SNX9: variants seen among roughly 807,000 people sequenced by gnomAD.
The protein encoded by SNX9 is sorting nexin 9, also known as sorting nexin-9.
A neutral mutation model predicts 89.4 loss-of-function variants in SNX9; 44 were observed. The ratio of observed to expected loss-of-function variants is 0.49; its 90% CI spans 0.39 to 0.63. SNX9 has a LOEUF of 0.63. SNX9 is among the 30% of genes least tolerant of loss of function. The probability of loss-of-function intolerance (pLI) is 0.00; values close to 1 mark genes in which losing one functional copy is unlikely to be tolerated. For missense variants in SNX9, 578 were observed against 736.1 expected (o/e 0.79, Z 2.49); for synonymous variants, 236 against 247.8 (o/e 0.95, Z 0.45).
chr6:157,941,347 G>A (rs1784031805), intron 17 of SNX9, among the ~76,000 whole-genome samples: 1 of 152,158 alleles, frequency 6.6e-6, no homozygotes, highest in Non-Finnish European at 1.5e-5. Flanking sequence ...GCTGGAACAG[G>A]AGCCTGGCAC....
intron 2 of SNX9, among the ~76,000 whole-genome samples, chr6:157,869,239 G>A (rs184806266): frequency 6.6e-6 from 1 of 152,136 alleles, no homozygotes; most frequent in East Asian, 1.9e-4. Context: ...TCCACCTTCA[G>A]CCCATTTCTT....
chr6:157,858,164 C>T (rs542074482), intron 1 of SNX9, among the ~76,000 whole-genome samples: 1 of 152,242 alleles, frequency 6.6e-6, no homozygotes, highest in East Asian at 1.9e-4. Context: ...GCTTTTCATG[C>T]CTATGTTAGT....
chr6:157,927,288 G>T (rs1006345722), intron 11 of SNX9, 74 bp downstream of exon 11: 30 of 1,062,996 alleles, frequency 2.8e-5, no homozygotes, highest in Non-Finnish European at 3.4e-5. Flanking sequence ...TTCAGCCAGT[G>T]TAGCCGCAGC....
chr6:157,915,646 T>TATATACAC (rs1554296802), intron 9 of SNX9, among the ~76,000 whole-genome samples: 1 of 89,238 alleles, frequency 1.1e-5, no homozygotes, highest in Non-Finnish European at 2.3e-5. Context: ...AAAAAATATA[T>TATATACAC]ATATATATAT....
intron 4 of SNX9, among the ~76,000 whole-genome samples, chr6:157,892,125 T>G: frequency 6.7e-6 from 1 of 149,824 alleles, no homozygotes; most frequent in Non-Finnish European, 1.5e-5. Context: ...GAGGGAAAGG[T>G]GGAAGGAAAG....
At chr6:157,910,764 G>C (rs1489605141) in intron 9 of SNX9, among the ~76,000 whole-genome samples, 1 of 152,084 alleles carries the variant, frequency 6.6e-6, no homozygotes, top group Non-Finnish European at 1.5e-5. Context: ...AATTGTTTTT[G>C]TTTTTAATCT....
intron 9 of SNX9, among the ~76,000 whole-genome samples, chr6:157,915,822 C>CAAAAAAAAAAAAAAAAAAAA (rs570701086): frequency 6.7e-5 from 6 of 89,368 alleles, no homozygotes; most frequent in Admixed American, 1.2e-4. Context: ...TAGACTCTGT[C>CAAAAAAAAAAAAAAAAAAAA]AAAAAAAAAA....
At chr6:157,905,892 C>T (rs541352617) in intron 6 of SNX9, among the ~76,000 whole-genome samples, 5 of 152,194 alleles carry the variant, frequency 3.3e-5, no homozygotes, top group South Asian at 2.1e-4. Flanking sequence ...ATAGAGTGCC[C>T]GTAAACATCA....
At chr6:157,917,264 GT>G (rs1201596508) in intron 9 of SNX9, among the ~76,000 whole-genome samples, 4 of 151,252 alleles carry the variant, frequency 2.6e-5, no homozygotes, top group Non-Finnish European at 4.4e-5. Context: ...TTTTTCTTTG[GT>G]TTTATGTATT....
chr6:157,917,576 T>G (rs1783498611), intron 9 of SNX9, among the ~76,000 whole-genome samples: 1 of 152,178 alleles, frequency 6.6e-6, no homozygotes, highest in African/African-American at 2.4e-5. Context: ...TATATCTCAG[T>G]ATCTATGGGA....
chr6:157,853,431 T>C (rs1781949508), intron 1 of SNX9, among the ~76,000 whole-genome samples: 3 of 152,198 alleles, frequency 2.0e-5, no homozygotes, highest in African/African-American at 4.8e-5. Flanking sequence ...TGGTTTTCTT[T>C]GTGGTTTTTT....
chr6:157,906,008 C>T, intron 6 of SNX9, 120 bp from the exon 7 acceptor site: 1 of 711,466 alleles, frequency 1.4e-6, no homozygotes, highest in South Asian at 1.9e-5. Flanking sequence ...CCACAGTTTC[C>T]AGTTCTAGTG....
chr6:157,908,285 A>T (rs1783260223), intron 7 of SNX9, among the ~76,000 whole-genome samples: 1 of 152,064 alleles, frequency 6.6e-6, no homozygotes, highest in African/African-American at 2.4e-5. Flanking sequence ...AAATTATTTC[A>T]TTCTCCTTGA....
At chr6:157,879,753 T>A (rs959468180) in intron 4 of SNX9, among the ~76,000 whole-genome samples, 3 of 152,242 alleles carry the variant, frequency 2.0e-5, no homozygotes, top group African/African-American at 7.2e-5. Flanking sequence ...CATCAGTTAT[T>A]GTTGTTTAGA....
chr6:157,870,895 A>G (rs1317711852), intron 2 of SNX9, among the ~76,000 whole-genome samples: 1 of 151,536 alleles, frequency 6.6e-6, no homozygotes, highest in African/African-American at 2.4e-5. Flanking sequence ...GCACGCACAC[A>G]CCCCTCAGAC....
chr6:157,928,793 C>A, intron 12 of SNX9, 91 bp downstream of exon 12: 1 of 964,338 alleles, frequency 1.0e-6, no homozygotes, highest in Non-Finnish European at 1.5e-6. Flanking sequence ...CCTGCTGCCT[C>A]GAACAGAAGT....
rs551357253 is a variant in SNX9 at position 157,867,053 on chromosome 6, A to G, written c.13-494A>G. Reference sequence around the variant, plus strand: ...AACTTTGACCTCCTGGGCTCAAGCAATCCTCCCGCCTCAGTTTTTTCAGTA... The same window carrying G: ...AACTTTGACCTCCTGGGCTCAAGCAGTCCTCCCGCCTCAGTTTTTTCAGTA... On this transcript the variant is annotated intron_variant, in intron 1 of 17. Transcript: ENST00000392185. Among the ~76,000 whole-genome samples, 12 of 152,100 alleles carry G rather than the reference A, an allele frequency of 7.9e-5. No homozygotes were observed. In the South Asian group the frequency reaches 2.5e-3, roughly 32 times the overall value.
At chr6:157,843,861 T>C (rs1254927276) in intron 1 of SNX9, among the ~76,000 whole-genome samples, 2 of 151,524 alleles carry the variant, frequency 1.3e-5, no homozygotes, top group African/African-American at 2.4e-5. Flanking sequence ...AAAAAATTAT[T>C]TCCCATTTGT....
intron 3 of SNX9, among the ~76,000 whole-genome samples, chr6:157,873,668 C>T (rs577701196): frequency 6.7e-6 from 1 of 149,996 alleles, no homozygotes; most frequent in African/African-American, 2.4e-5. Flanking sequence ...ACACATATAA[C>T]GTATTTTTCC....
Sources: allele counts gnomAD v4.1 joint callset (sites outside exome capture counted in the v4.1 genomes callset), GRCh38; gene constraint gnomAD v4.1.1; transcripts MANE v1.5; gene names NCBI Gene and HGNC (gene_info 2026-07-23, HGNC 2026-07-21).